The following APC variants were observed in gnomAD, a reference collection of about 807,000 sequenced individuals.
The protein encoded by APC is APC regulator of Wnt signaling pathway.
A neutral mutation model predicts 247.0 loss-of-function variants in APC; 72 were observed. The observed-to-expected ratio is 0.29, with a 90% confidence interval of 0.24 to 0.35. APC has a LOEUF of 0.35. Among genes scored for constraint, APC ranks in the 10% least tolerant of loss-of-function variants. APC has a pLI of 1.00. For missense variants in APC, 3,400 were observed against 3,360.7 expected (o/e 1.01, Z -0.29); for synonymous variants, 1,254 against 1,162.5 (o/e 1.08, Z -1.60).
At chr5:112,828,110 A>C in intron 13 of APC, 104 bp downstream of exon 13, 11 of 917,298 alleles carry the variant, frequency 1.2e-5, no homozygotes, top group Non-Finnish European at 1.9e-5. Flanking sequence ...ATCTCAGCTC[A>C]CTGCAACCTC....
chr5:112,749,851 T>C (rs1737835901), intron 1 of APC, among the ~76,000 whole-genome samples: 1 of 151,572 alleles, frequency 6.6e-6, no homozygotes, highest in Non-Finnish European at 1.5e-5. Context: ...TCCCCCTCCC[T>C]AGAATCTTTA....
chr5:112,711,584 G>A (rs1750851373), intron 1 of APC, among the ~76,000 whole-genome samples: 1 of 152,174 alleles, frequency 6.6e-6, no homozygotes, highest in African/African-American at 2.4e-5. Flanking sequence ...CTGGGCCATG[G>A]TGTCTCACAC....
intron 4 of APC, among the ~76,000 whole-genome samples, chr5:112,773,902 G>A (rs543627330): frequency 6.6e-6 from 1 of 152,238 alleles, no homozygotes; most frequent in South Asian, 2.1e-4. Flanking sequence ...ATTAAAACCA[G>A]TGATACACCA....
At chr5:112,732,979 T>G (rs530352962), upstream of APC, among the ~76,000 whole-genome samples, 12 of 152,346 alleles carry the variant, frequency 7.9e-5, no homozygotes, top group African/African-American at 2.2e-4. Context: ...TCCCATTTTA[T>G]AGATGAAGGA....
intron 1 of APC, among the ~76,000 whole-genome samples, chr5:112,719,110 G>T (rs571100994): frequency 6.6e-6 from 1 of 152,224 alleles, no homozygotes; most frequent in South Asian, 2.1e-4. Context: ...AAGTGGGACT[G>T]TATGGAGGAG....
At chr5:112,774,457 A>T (rs1349007456) in intron 4 of APC, among the ~76,000 whole-genome samples, 1 of 147,330 alleles carries the variant, frequency 6.8e-6, no homozygotes, top group African/African-American at 2.4e-5. Context: ...TGTGTTCTGC[A>T]AGATCGATTT....
At chr5:112,784,039 C>G (rs1758673966) in intron 6 of APC, among the ~76,000 whole-genome samples, 1 of 151,686 alleles carries the variant, frequency 6.6e-6, no homozygotes, top group Non-Finnish European at 1.5e-5. Flanking sequence ...AAAGTAAAAA[C>G]ATCATCTACC....
At position 112,845,798 on chromosome 5, in the gene APC, G is replaced by C. The variant is rs1207017886; in HGVS notation, c.*1672G>C. 4.3e-6 allele frequency: 1 copy of C among 232,014 alleles called. No homozygotes were observed. Among genetic ancestry groups the C allele is most frequent in the Non-Finnish European group, 8.5e-6 (1 of 117,416 alleles). 14.4% of individuals were successfully genotyped at this position (232,014 alleles called of 1,614,324 possible). A position where few individuals can be genotyped will look rare whatever the true frequency, so the allele number is the denominator to read the frequency against. On this transcript the variant is annotated 3_prime_UTR_variant, in exon 16 of 16. Transcript: ENST00000257430. ...TGTTTTAAAAGATCAGAGGGTGACT[G>C]ATGATACATGCATACATATTTGTTG... is the stretch of plus-strand genomic sequence containing the variant.
intron 15 of APC, among the ~76,000 whole-genome samples, chr5:112,835,708 G>T (rs1375375777): frequency 6.6e-6 from 1 of 151,624 alleles, no homozygotes; most frequent in Admixed American, 6.6e-5. Context: ...AACAAGCTGG[G>T]ACTACAGATG....
chr5:112,790,223 A>G (rs1444587779), intron 6 of APC, among the ~76,000 whole-genome samples: 1 of 151,954 alleles, frequency 6.6e-6, no homozygotes, highest in East Asian at 1.9e-4. Context: ...CAGCTTAGTT[A>G]TATTGTTAAA....
At chr5:112,758,547 G>A (rs1042032902) in intron 2 of APC, among the ~76,000 whole-genome samples, 3 of 151,604 alleles carry the variant, frequency 2.0e-5, no homozygotes, top group Non-Finnish European at 4.4e-5. Context: ...GGCTGGTCTC[G>A]AACTCCTGAC....
chr5:112,787,158 G>C (rs560201277), intron 6 of APC, among the ~76,000 whole-genome samples: 1 of 152,188 alleles, frequency 6.6e-6, no homozygotes, highest in South Asian at 2.1e-4. Context: ...AAAATGTTGA[G>C]ATTACAGGCG....
chr5:112,783,887 T>C (rs1260875757), intron 6 of APC: 1 of 281,954 alleles, frequency 3.5e-6, no homozygotes, highest in Non-Finnish European at 6.9e-6. Context: ...TTCAAGTGTC[T>C]AATAAACAAT....
chr5:112,751,150 A>G (rs1298950213), intron 1 of APC, among the ~76,000 whole-genome samples: 1 of 152,110 alleles, frequency 6.6e-6, no homozygotes, highest in Non-Finnish European at 1.5e-5. Context: ...TAGTACAGAG[A>G]GTTTCTATAT....
rs1580645012 is a variant in APC at position 112,839,775 on chromosome 5, A to G, written c.4181A>G (p.Asp1394Gly). ...FSRCTSVSSLDSFESRSIASS... is the reference protein window; with the variant it reads ...FSRCTSVSSLGSFESRSIASS... Reference sequence around the variant, plus strand: ...AGATGTACTTCTGTCAGTTCACTTGATAGTTTTGAGAGTCGTTCGATTGCC... The same window carrying G: ...AGATGTACTTCTGTCAGTTCACTTGGTAGTTTTGAGAGTCGTTCGATTGCC... Residue 1394 changes from aspartate to glycine, a missense_variant, in exon 16 of 16, where the codon GAT (aspartate) becomes GGT (glycine). Transcript: ENST00000257430. The surrounding 1 kb of genome is among the most constrained non-coding windows in gnomAD (Gnocchi z 5.0). The G allele has an allele frequency of 6.2e-7, 1 of 1,614,098 alleles. No individual in the cohort carries two copies. Among genetic ancestry groups the G allele is most frequent in the African/African-American group, 1.3e-5 (1 of 75,018 alleles).
rs2149900377 is a variant in APC, at chr5:112,839,443, T to C, written c.3849T>C (p.Ala1283=). 6.2e-7 allele frequency: 1 copy of C among 1,614,048 alleles called. No individual in the cohort carries two copies. Among genetic ancestry groups the C allele is most frequent in the Non-Finnish European group, 8.5e-7 (1 of 1,179,894 alleles). Reference sequence around the variant, plus strand: ...GTTCATTATCATCTTTGTCATCAGCTGAAGATGAAATAGGATGTAATCAGA... The same window carrying C: ...GTTCATTATCATCTTTGTCATCAGCCGAAGATGAAATAGGATGTAATCAGA... ...RCSSLSSLSS[A]EDEIGCNQTT... The change falls in exon 16 of 16, where the codon GCT becomes GCC. Residue 1283 remains alanine, a synonymous_variant. Coordinates refer to ENST00000257430, the MANE Select transcript of APC (RefSeq NM_000038.6). The surrounding 1 kb of genome is among the most constrained non-coding windows in gnomAD (Gnocchi z 5.0).
chr5:112,784,918 AG>A (rs750102311), intron 6 of APC, among the ~76,000 whole-genome samples: 1 of 152,142 alleles, frequency 6.6e-6, no homozygotes, highest in Non-Finnish European at 1.5e-5. Context: ...ACAAGTTAGC[AG>A]TAGTGTTGGC....
At chr5:112,777,791 A>G in intron 5 of APC, 1 of 257,010 alleles carries the variant, frequency 3.9e-6, no homozygotes, top group Non-Finnish European at 8.2e-6. Context: ...GCAGTTCTCC[A>G]CTGCTGTCTG....
At chr5:112,804,825 C>T (rs1327265666) in intron 8 of APC, among the ~76,000 whole-genome samples, 1 of 151,764 alleles carries the variant, frequency 6.6e-6, no homozygotes, top group East Asian at 1.9e-4. Flanking sequence ...GAGACTTTGC[C>T]TCTGCAAAAA....
Sources: gnomAD v4.1 joint callset for allele counts (sites outside exome capture counted in the v4.1 genomes callset) on GRCh38, gnomAD v4.1.1 for gene constraint, Gnocchi (gnomAD v3.1) non-coding constraint, MANE v1.5 for transcripts, NCBI Gene and HGNC (gene_info 2026-07-23, HGNC 2026-07-21) for gene names.